Variants in ASAH2B observed in about 807,000 individuals in gnomAD.
The protein encoded by ASAH2B is putative inactive neutral ceramidase B.
ASAH2B carries 1 observed loss-of-function variant against 2.9 expected under a neutral mutation model. The observed-to-expected ratio is 0.34, with a 90% CI of 0.12 to 1.63. The LOEUF is 1.63. ASAH2B is among the 40% of genes most tolerant of loss of function. The pLI is 0.36. For missense variants in ASAH2B, 9 were observed against 37.7 expected, an observed-to-expected ratio of 0.24 and a Z score of 1.99; for synonymous variants, 4 against 13.3, an observed-to-expected ratio of 0.30 and a Z score of 1.52.
chr10:50,755,999 G>A lies in ASAH2B; in HGVS notation c.*1259G>A, dbSNP rs1837080194. The stretch of plus-strand genomic sequence containing the variant: ...ATTTTTGGGCATTGTAAAATACCTT[G>A]CTTCATACCCCAAAGAATAAGATAT... On this transcript the variant is annotated 3_prime_UTR_variant, in exon 6 of 6. Transcript: ENST00000647317. The A allele has an allele frequency of 1.1e-5, 1 of 88,008 alleles. No homozygotes were observed. The highest frequency in any genetic ancestry group is 1.6e-4 in the Admixed American group (1 of 6,104). 5.5% of individuals were successfully genotyped at this position (88,008 alleles called of 1,614,324 possible). A position where few individuals can be genotyped will look rare whatever the true frequency, so the allele number is the denominator to read the frequency against.
chr10:50,741,120 T>A (rs1839824387), intron 1 of ASAH2B, among the ~76,000 whole-genome samples: 1 of 152,246 alleles, frequency 6.6e-6, no homozygotes, highest in Non-Finnish European at 1.5e-5. Flanking sequence ...AGAGTTAGAA[T>A]GAAATTAATT....
At chr10:50,740,349 G>A (rs933773295) in intron 1 of ASAH2B, among the ~76,000 whole-genome samples, 3 of 152,048 alleles carry the variant, frequency 2.0e-5, no homozygotes, top group African/African-American at 7.2e-5. Context: ...ATATAGTAGA[G>A]AAGCAACATA....
At chr10:50,744,209 C>G (rs1384647810) in intron 2 of ASAH2B, among the ~76,000 whole-genome samples, 1 of 151,428 alleles carries the variant, frequency 6.6e-6, no homozygotes, top group East Asian at 1.9e-4. Flanking sequence ...GTTTAACTGT[C>G]ACTATGCTCA....
intron 2 of ASAH2B, chr10:50,743,884 A>G (rs1404163254): frequency 6.6e-6 from 1 of 151,630 alleles, no homozygotes; most frequent in Non-Finnish European, 1.5e-5. Context: ...TGGATATATT[A>G]AATTGAAATA....
rs1327719436 is a variant in ASAH2B, at chr10:50,755,186, C to G, written c.*446C>G. ...TACTGGGAAAATTTATAGAAATCAT[C>G]TAGTCTTACCCTTCATCTTACATAT... On this transcript the variant is annotated 3_prime_UTR_variant, in exon 6 of 6. Transcript: ENST00000647317. 3 of 88,292 alleles carry G rather than the reference C, an allele frequency of 3.4e-5. No individual in the cohort carries two copies. The highest frequency in any genetic ancestry group is 1.0e-4 in the African/African-American group (3 of 29,572). The allele number at this position is 88,292 out of a possible 1,614,324, so 5.5% of individuals were successfully genotyped here.
rs1410278069 is a variant in ASAH2B at position 50,757,141 on chromosome 10, A to G, written c.*2401A>G. 6.6e-6 allele frequency: 1 copy of G among 151,588 alleles called. No homozygotes were observed. 9.4% of individuals were successfully genotyped at this position (151,588 alleles called of 1,614,324 possible). A position where few individuals can be genotyped will look rare whatever the true frequency, so the allele number is the denominator to read the frequency against. On this transcript the variant is annotated 3_prime_UTR_variant, in exon 6 of 6. Transcript: ENST00000647317. Reference sequence around the variant, plus strand: ...TGATGAGTACTGTGTAAAATTGTCAATATTCAATGGATTATTTAATAATAA... The same window carrying G: ...TGATGAGTACTGTGTAAAATTGTCAGTATTCAATGGATTATTTAATAATAA...
Position 50,745,689 on chromosome 10 carries a change from G to T in ASAH2B, c.144+415G>T, listed in dbSNP as rs566448582. On this transcript the variant is annotated intron_variant, in intron 3 of 5. Transcript: ENST00000647317. ...GGGGAGGAGGGATGAGAAGAGGGGA[G>T]TCTGGATTCCTTAGGAATTTCTACA... 1.5e-4 allele frequency among the ~76,000 whole-genome samples: 23 copies of T among 150,006 alleles called. No homozygotes were observed. The East Asian group carries it at 4.1e-3, about 27-fold the overall frequency.
At chr10:50,743,058 GTATGTC>G in intron 2 of ASAH2B, 48 bp downstream of exon 2, 14 of 1,525,636 alleles carry the variant, frequency 9.2e-6, no homozygotes, top group Non-Finnish European at 1.2e-5. Flanking sequence ...GTGTGTGTGT[GTATGTC>G]TGTATGTGTC....
chr10:50,758,649 A>T lies in ASAH2B; in HGVS notation c.*3909A>T, dbSNP rs1327380544. ...AAGAACACACATTGGAATAATGACGAAAAAAATTGCTTTCTGTATTGCAAA... is the reference window on the plus strand; with the variant it reads ...AAGAACACACATTGGAATAATGACGTAAAAAATTGCTTTCTGTATTGCAAA... On this transcript the variant is annotated 3_prime_UTR_variant, in exon 6 of 6. Coordinates refer to ENST00000647317, the MANE Select transcript of ASAH2B (RefSeq NM_001321958.2). 1.4e-5 allele frequency: 2 copies of T among 142,760 alleles called. No homozygotes were observed. Among genetic ancestry groups the T allele is most frequent in the Non-Finnish European group, 2.9e-5 (2 of 67,882 alleles). The allele number at this position is 142,760 out of a possible 1,614,324, so 8.8% of individuals were successfully genotyped here.
At chr10:50,746,887 A>G (rs1839915757) in intron 3 of ASAH2B, among the ~76,000 whole-genome samples, 1 of 150,810 alleles carries the variant, frequency 6.6e-6, no homozygotes. Flanking sequence ...AGTACCTTAT[A>G]TCTTTTGGAT....
chr10:50,743,036 G>A lies in ASAH2B; in HGVS notation c.-4+26G>A, dbSNP rs755238658. ...GTAATCAAATATTGTTTGTGCGTGC[G>A]TGCGTGCGTGTGTGTGTGTGTGTAT... On this transcript the variant is annotated intron_variant, in intron 2 of 5. Transcript: ENST00000647317. 105 of 1,603,084 alleles carry A rather than the reference G, an allele frequency of 6.5e-5. No homozygotes were observed. In the African/African-American group the frequency reaches 8.6e-4, roughly 13 times the overall value.
At chr10:50,748,451 A>G (rs1839939283) in intron 3 of ASAH2B, among the ~76,000 whole-genome samples, 1 of 149,266 alleles carries the variant, frequency 6.7e-6, no homozygotes, top group Admixed American at 6.7e-5. Context: ...CTAATGTAAA[A>G]TTCTTTTGAA....
chr10:50,742,719 A>G (rs1037865217), intron 1 of ASAH2B, among the ~76,000 whole-genome samples, 196 bp from the exon 2 acceptor site: 1 of 152,216 alleles, frequency 6.6e-6, no homozygotes, highest in Non-Finnish European at 1.5e-5. Context: ...TGCTTTTAAC[A>G]GGTAGTCCAT....
intron 1 of ASAH2B, among the ~76,000 whole-genome samples, chr10:50,742,427 C>G (rs895950677): frequency 2.0e-4 from 31 of 152,318 alleles, no homozygotes; most frequent in African/African-American, 7.5e-4. Flanking sequence ...CTTTGAAGTT[C>G]CTGTAGAAGA....
At chr10:50,747,069 A>C (rs1839918407) in intron 3 of ASAH2B, among the ~76,000 whole-genome samples, 1 of 150,618 alleles carries the variant, frequency 6.6e-6, no homozygotes, top group South Asian at 2.1e-4. Flanking sequence ...AAAAAAAAAA[A>C]ACAAACATCA....
chr10:50,756,266 C>A lies in ASAH2B; in HGVS notation c.*1526C>A, dbSNP rs1837087091. The A allele has an allele frequency of 6.6e-6, 1 of 151,266 alleles. No homozygotes were observed. Among genetic ancestry groups the A allele is most frequent in the South Asian group, 2.1e-4 (1 of 4,808 alleles). 9.4% of individuals were successfully genotyped at this position (151,266 alleles called of 1,614,324 possible). A position where few individuals can be genotyped will look rare whatever the true frequency, so the allele number is the denominator to read the frequency against. On this transcript the variant is annotated 3_prime_UTR_variant, in exon 6 of 6. Coordinates refer to ENST00000647317, the MANE Select transcript of ASAH2B (RefSeq NM_001321958.2). Reference sequence around the variant, plus strand: ...ACATCTATTATGTATAACTTAATCTCAACATAATTTATTGAATTAGAATGA... The same window carrying A: ...ACATCTATTATGTATAACTTAATCTAAACATAATTTATTGAATTAGAATGA...
chr10:50,747,067 A>C lies in ASAH2B; in HGVS notation c.144+1793A>C, dbSNP rs553632913. The stretch of plus-strand genomic sequence containing the variant: ...GCATTAGGGGTCATATTAAAAAAAA[A>C]AAACAAACATCACCTACACCAACAT... On this transcript the variant is annotated intron_variant, in intron 3 of 5. Transcript: ENST00000647317. Among the ~76,000 whole-genome samples, 24 of 150,742 alleles carry C rather than the reference A, an allele frequency of 1.6e-4. 1 individual carries two copies. The highest frequency in any genetic ancestry group is 4.7e-4 in the African/African-American group (19 of 40,778).
intron 2 of ASAH2B, among the ~76,000 whole-genome samples, chr10:50,743,225 T>C (rs900397534): frequency 6.6e-6 from 1 of 152,206 alleles, no homozygotes; most frequent in African/African-American, 2.4e-5. Flanking sequence ...TAACATCCTT[T>C]CATGCTGGCA....
chr10:50,747,010 A>C (rs1839917289), intron 3 of ASAH2B, among the ~76,000 whole-genome samples: 1 of 150,376 alleles, frequency 6.6e-6, no homozygotes, highest in African/African-American at 2.5e-5. Context: ...AGTTTGATGT[A>C]ATATGTGCCT....
Sources: gnomAD v4.1 joint callset for allele counts (sites outside exome capture counted in the v4.1 genomes callset) on GRCh38, gnomAD v4.1.1 for gene constraint, MANE v1.5 for transcripts, NCBI Gene and HGNC (gene_info 2026-07-23, HGNC 2026-07-21) for gene names.